Variants in PMFBP1 observed in about 807,000 individuals in gnomAD.
PMFBP1 encodes polyamine-modulated factor 1-binding protein 1.
Under a neutral mutation model 137.8 loss-of-function variants are expected in PMFBP1, and 131 were observed. The observed-to-expected ratio is 0.95, with a 90% CI of 0.82 to 1.10. The LOEUF is 1.10. PMFBP1 is among the 50% of genes least tolerant of loss of function. The pLI, the probability that PMFBP1 is intolerant of heterozygous loss-of-function variation, is 0.00. For missense variants in PMFBP1, 1,199 were observed against 1,175.4 expected (o/e 1.02, Z -0.29); for synonymous variants, 490 against 450.4 (o/e 1.09, Z -1.11).
At chr16:72,126,487 A>C (rs573776338) in intron 14 of PMFBP1, among the ~76,000 whole-genome samples, 2 of 152,250 alleles carry the variant, frequency 1.3e-5, no homozygotes, top group African/African-American at 4.8e-5. Flanking sequence ...CATGATAACA[A>C]CATGTCCTTT....
chr16:72,131,504 T>A (rs533922584), intron 10 of PMFBP1, among the ~76,000 whole-genome samples: 1 of 152,122 alleles, frequency 6.6e-6, no homozygotes, highest in African/African-American at 2.4e-5. Flanking sequence ...CCACTGGGTA[T>A]GAGGGGAAGG....
intron 2 of PMFBP1, among the ~76,000 whole-genome samples, chr16:72,165,707 C>T (rs193085027): frequency 6.6e-4 from 101 of 152,256 alleles, no homozygotes; most frequent in African/African-American, 2.1e-3. Context: ...CATGAGCCAC[C>T]GTGCCTGGCC....
chr16:72,218,798 T>C, the PMFBP1 span, among the ~76,000 whole-genome samples: 1 of 152,158 alleles, frequency 6.6e-6, no homozygotes, highest in African/African-American at 2.4e-5. Flanking sequence ...TCCAGGTGTG[T>C]TGAAACCACA....
chr16:72,225,788 T>A, the PMFBP1 span, among the ~76,000 whole-genome samples: 1 of 151,212 alleles, frequency 6.6e-6, no homozygotes, highest in Non-Finnish European at 1.5e-5. Context: ...TATTTCGACA[T>A]AATCCTTTTC....
the PMFBP1 span, among the ~76,000 whole-genome samples, chr16:72,229,397 T>C: frequency 3.9e-5 from 6 of 152,358 alleles, no homozygotes; most frequent in South Asian, 1.2e-3. Context: ...GGTTGAACGG[T>C]AGTTCTGTTT....
intron 5 of PMFBP1, among the ~76,000 whole-genome samples, chr16:72,141,934 G>A (rs778686864): frequency 1.8e-4 from 27 of 150,384 alleles, no homozygotes; most frequent in Non-Finnish European, 3.4e-4. Context: ...TCCCTAGATC[G>A]TTTGAAATCA....
the PMFBP1 span, among the ~76,000 whole-genome samples, chr16:72,229,338 T>G: frequency 1.3e-5 from 2 of 152,190 alleles, no homozygotes; most frequent in Non-Finnish European, 2.9e-5. Context: ...GTCTTTATGG[T>G]AGAACAATTT....
At chr16:72,203,713 C>T in the PMFBP1 span, among the ~76,000 whole-genome samples, 1 of 152,068 alleles carries the variant, frequency 6.6e-6, no homozygotes, top group Non-Finnish European at 1.5e-5. Context: ...CCCTGGTGTT[C>T]AAGCCACTCC....
chr16:72,171,362 G>C, intron 1 of PMFBP1, 94 bp from the exon 2 acceptor site: 1 of 812,250 alleles, frequency 1.2e-6, no homozygotes, highest in Non-Finnish European at 1.9e-6. Context: ...TCAGCAAGAG[G>C]TTTGGAAAAT....
the PMFBP1 span, among the ~76,000 whole-genome samples, chr16:72,216,351 A>T: frequency 6.6e-6 from 1 of 152,212 alleles, no homozygotes; most frequent in Non-Finnish European, 1.5e-5. Context: ...TATTTGATTA[A>T]TACAGAAATG....
intron 5 of PMFBP1, among the ~76,000 whole-genome samples, chr16:72,143,627 C>T (rs571918621): frequency 3.3e-4 from 50 of 152,092 alleles, no homozygotes; most frequent in Non-Finnish European, 4.9e-4. Context: ...CCTGTAGTCC[C>T]AGCTACTTGG....
At chr16:72,135,859 A>G (rs2042623066) in intron 9 of PMFBP1, among the ~76,000 whole-genome samples, 1 of 139,548 alleles carries the variant, frequency 7.2e-6, no homozygotes, top group South Asian at 2.2e-4. Flanking sequence ...GGCTCATGTG[A>G]TCCTGTGACT....
At position 72,139,378 on chromosome 16, in the gene PMFBP1, A is replaced by C; in HGVS notation, c.829T>G (p.Leu277Val). 6.2e-7 allele frequency: 1 copy of C among 1,613,976 alleles called. No individual in the cohort carries two copies. ...GCAAAATCGGCTTGTAGTTTTATCA[A>C]AGCCTTTTCACGCTCCAGAACCTGC... ...NALVLEREKA[L>V]IKLQADFASC... Residue 277 changes from leucine to valine, a missense_variant, in exon 7 of 21, where the codon TTG (leucine) becomes GTG (valine). Leu to Val is a conservative substitution (Grantham distance 32, BLOSUM62 1). Transcript: ENST00000237353.
chr16:72,205,305 C>T, the PMFBP1 span, among the ~76,000 whole-genome samples: 5,821 of 152,340 alleles, frequency 0.038, 320 homozygotes, highest in African/African-American at 0.13. Flanking sequence ...GGCAGCACGT[C>T]GCTAGAAGGG....
intron 3 of PMFBP1, among the ~76,000 whole-genome samples, chr16:72,156,347 G>A (rs991923007): frequency 2.6e-5 from 4 of 151,956 alleles, no homozygotes; most frequent in East Asian, 3.9e-4. Context: ...GGCCGGGCAC[G>A]GTGGCTCACG....
chr16:72,183,507 G>A, the PMFBP1 span, among the ~76,000 whole-genome samples: 4 of 152,130 alleles, frequency 2.6e-5, no homozygotes, highest in African/African-American at 9.7e-5. Context: ...TTCTCCCTAT[G>A]TGCATGTCTG....
At chr16:72,133,053 G>C in intron 9 of PMFBP1, 62 bp from the exon 10 acceptor site, 2 of 1,582,282 alleles carry the variant, frequency 1.3e-6, no homozygotes, top group Non-Finnish European at 8.6e-7. Flanking sequence ...AAGGCAATGA[G>C]AGGTTGTCTC....
the PMFBP1 span, among the ~76,000 whole-genome samples, chr16:72,249,340 T>G: frequency 6.6e-6 from 1 of 151,890 alleles, no homozygotes; most frequent in African/African-American, 2.4e-5. Flanking sequence ...GGGAGGAGTA[T>G]TTACTATGGA....
chr16:72,163,706 T>C (rs987433395), intron 3 of PMFBP1, among the ~76,000 whole-genome samples: 1 of 152,176 alleles, frequency 6.6e-6, no homozygotes, highest in Non-Finnish European at 1.5e-5. Context: ...TGTTTTCGCA[T>C]GTGGTATATA....
Sources: allele counts gnomAD v4.1 joint callset (sites outside exome capture counted in the v4.1 genomes callset), GRCh38; gene constraint gnomAD v4.1.1; transcripts MANE v1.5; gene names NCBI Gene and HGNC (gene_info 2026-07-23, HGNC 2026-07-21).